CDC42BPG: variants seen among roughly 807,000 people sequenced by gnomAD.
CDC42BPG encodes the protein serine/threonine-protein kinase MRCK gamma.
In CDC42BPG, 157 loss-of-function variants were observed where a neutral mutation model predicts 192.2. The ratio of observed to expected loss-of-function variants is 0.82; its 90% CI spans 0.72 to 0.93. CDC42BPG has a LOEUF of 0.93. Ranked by LOEUF, CDC42BPG falls within the 40% of genes least tolerant of loss-of-function variation. The pLI is 0.00. For synonymous variants in CDC42BPG, 981 were observed against 918.5 expected (o/e 1.07, Z -1.23); for missense variants, 1,992 against 2,122.1 (o/e 0.94, Z 1.20).
In CDC42BPG at chr11:64,829,860, G is replaced by A. The variant is rs761337134; in HGVS notation, c.3578C>T (p.Pro1193Leu). The A allele has an allele frequency of 1.4e-5, 22 of 1,607,836 alleles. No individual in the cohort carries two copies. The Admixed American group carries it at 1.9e-4, about 14-fold the overall frequency. The stretch of plus-strand genomic sequence containing the variant: ...GCGCTTGACGGCTACACAGAGCACC[G>A]GGGTGCGGGCCTGCAGGATGCTTCC... ...AAGSILQART[P>L]VLCVAVKRQV... The change falls in exon 30 of 37, where the codon CCG becomes CTG. Residue 1193 changes from proline to leucine, a missense_variant. Around this residue, in one of 2 missense-constraint regions of CDC42BPG, gnomAD observed 1,656 missense variants for 1,844.3 expected, o/e 0.90. Coordinates refer to ENST00000342711, the MANE Select transcript of CDC42BPG (RefSeq NM_017525.3).
At chr11:64,836,714 G>GGGGGGT in intron 11 of CDC42BPG, 25 bp downstream of exon 11, 2 of 866,540 alleles carry the variant, frequency 2.3e-6, no homozygotes, top group Middle Eastern at 3.8e-4. Context: ...CCTGGGGGGG[G>GGGGGGT]GGGGGGGGTG....
chr11:64,826,067 G>GAAAA lies in CDC42BPG; in HGVS notation c.4599+399_4599+402dup, dbSNP rs10692629. ...GGGTGACAGAGTGAGACTCCATCTG[G>GAAAA]AAAAAAAAAAAAAAAAAAGAATCCC... On this transcript the variant is annotated intron_variant, in intron 36 of 36. Transcript: ENST00000342711. Among the ~76,000 whole-genome samples, 13 of 133,978 alleles carry GAAAA rather than the reference G, an allele frequency of 9.7e-5. 1 individual carries two copies. Among genetic ancestry groups the GAAAA allele is most frequent in the African/African-American group, 1.7e-4 (6 of 34,864 alleles). The allele number at this position is 133,978 out of a possible 152,430, so 87.9% of individuals were successfully genotyped here.
rs1410637516 is a variant in CDC42BPG at position 64,829,654 on chromosome 11, C to A, written c.3784G>T (p.Ala1262Ser). 6.2e-7 allele frequency: 1 copy of A among 1,611,338 alleles called. No homozygotes were observed. Among genetic ancestry groups the A allele is most frequent in the Non-Finnish European group, 8.5e-7 (1 of 1,179,330 alleles). ...GGCAGCTCCTCAGGCACCAAACCGG[C>A]CCCCAGCGCCAACGGCGCAGCCTCG... ...LNEAAPLALG[A>S]GLVPEELPPS... is the part of the protein sequence containing the mutation. The change falls in exon 30 of 37, where the codon GCC becomes TCC. Residue 1262 changes from alanine to serine, a missense_variant. Around this residue, in one of 2 missense-constraint regions of CDC42BPG, gnomAD observed 1,656 missense variants for 1,844.3 expected, o/e 0.90. Transcript: ENST00000342711.
Position 64,834,353 on chromosome 11 carries a change from G to T in CDC42BPG, c.2326C>A (p.Arg776Ser). ...VQEAQLQAER[R>S]LQEAEKQSQA... ...CTCTGCTTCTCGGCCTCCTGCAGACGGCTGGGGAGAATGGCAAGGGCTCGC... is the reference window on the plus strand; with the variant it reads ...CTCTGCTTCTCGGCCTCCTGCAGACTGCTGGGGAGAATGGCAAGGGCTCGC... Residue 776 changes from arginine to serine, a missense_variant and splice_region_variant, in exon 20 of 37, where the codon CGT becomes AGT. Physicochemically the swap from Arg to Ser is moderately radical, Grantham distance 110. Around this residue, in one of 2 missense-constraint regions of CDC42BPG, gnomAD observed 1,656 missense variants for 1,844.3 expected, o/e 0.90. Transcript: ENST00000342711. The T allele has an allele frequency of 6.4e-7, 1 of 1,568,716 alleles. No homozygotes were observed. Among genetic ancestry groups the T allele is most frequent in the Non-Finnish European group, 8.6e-7 (1 of 1,160,888 alleles).
In CDC42BPG at chr11:64,831,637, G is replaced by A; in HGVS notation, c.3172C>T (p.Leu1058=). The A allele has an allele frequency of 6.2e-7, 1 of 1,611,386 alleles. No homozygotes were observed. The highest frequency in any genetic ancestry group is 8.5e-7 in the Non-Finnish European group (1 of 1,179,818). Residue 1058 remains leucine, a synonymous_variant, in exon 28 of 37, where the codon CTG becomes TTG. Transcript: ENST00000342711. ...CGCTGCAGCTCACCCAGCACCTGCA[G>A]CCAGCGTTCCCGCTCCCCCTCGCTC... The part of the protein sequence containing the change: ...AESEGERERW[L]QVLGELQRLL...
chr11:64,835,780 C>G lies in CDC42BPG; in HGVS notation c.1740G>C (p.Glu580Asp). 6.2e-7 allele frequency: 1 copy of G among 1,613,518 alleles called. No individual in the cohort carries two copies. The highest frequency in any genetic ancestry group is 8.5e-7 in the Non-Finnish European group (1 of 1,179,946). Residue 580 changes from glutamate to aspartate, a missense_variant, in exon 14 of 37, where the codon GAG becomes GAC. Coordinates refer to ENST00000342711, the MANE Select transcript of CDC42BPG (RefSeq NM_017525.3). ...QLQGQWEQRL[E>D]ESSQAKTIHT... ...TGACTACCTTGGCCTGGGACGACTC[C>G]TCAAGGCGTTGCTCCCACTGTCCCT...
Position 64,841,829 on chromosome 11 carries a change from C to T in CDC42BPG, c.236G>A (p.Arg79Gln), listed in dbSNP as rs747987826. 14 of 1,614,036 alleles carry T rather than the reference C, an allele frequency of 8.7e-6. No homozygotes were observed. The highest frequency in any genetic ancestry group is 1.3e-5 in the African/African-American group (1 of 75,066). Residue 79 changes from arginine to glutamine, a missense_variant, in exon 2 of 37, where the codon CGA becomes CAA. Arg to Gln is a conservative substitution (Grantham distance 43). Transcript: ENST00000342711. ...TTTGCTCACCTCCCCAAAGGCTCCT[C>T]GGCCGATCACCTTCAAGATCTCAAA... ...DDFEILKVIG[R>Q]GAFGEVTVVR...
intron 1 of CDC42BPG, 122 bp from the exon 2 acceptor site, chr11:64,842,026 C>T: frequency 2.7e-6 from 2 of 737,800 alleles, no homozygotes; most frequent in Non-Finnish European, 4.6e-6. Context: ...TCCCCAGGGA[C>T]AGCCTCGGGC....
chr11:64,837,556 G>A (rs1943075899), intron 9 of CDC42BPG, among the ~76,000 whole-genome samples: 1 of 152,246 alleles, frequency 6.6e-6, no homozygotes, highest in Non-Finnish European at 1.5e-5. Flanking sequence ...CGCCTCCCGC[G>A]TTCAAGCGAT....
chr11:64,825,722 TC>T (rs1942388625), intron 36 of CDC42BPG, among the ~76,000 whole-genome samples: 1 of 151,910 alleles, frequency 6.6e-6, no homozygotes, highest in South Asian at 2.1e-4. Context: ...AATGGACTGC[TC>T]CCTCCTCTGA....
Position 64,836,318 on chromosome 11 carries a change from C to A in CDC42BPG, c.1489-22G>T, listed in dbSNP as rs1369346853. On this transcript the variant is annotated intron_variant, in intron 12 of 36. Coordinates refer to ENST00000342711, the MANE Select transcript of CDC42BPG (RefSeq NM_017525.3). Reference sequence around the variant, plus strand: ...GCTCCTGAGGAGGCAGGGGAGGGAGCGGGGAAGGACAAGGCCCAGAGTCAG... The same window carrying A: ...GCTCCTGAGGAGGCAGGGGAGGGAGAGGGGAAGGACAAGGCCCAGAGTCAG... 6 of 1,607,168 alleles carry A rather than the reference C, an allele frequency of 3.7e-6. No homozygotes were observed. The Admixed American group carries it at 1.0e-4, about 27-fold the overall frequency.
Position 64,827,772 on chromosome 11 carries a change from G to A in CDC42BPG, c.3979C>T (p.Pro1327Ser). The A allele has an allele frequency of 6.2e-7, 1 of 1,610,260 alleles. No homozygotes were observed. The highest frequency in any genetic ancestry group is 8.5e-7 in the Non-Finnish European group (1 of 1,177,956). ...AAPMGWGYAAPYLTVFSENSI... is the reference protein window; with the variant it reads ...AAPMGWGYAASYLTVFSENSI... Reference sequence around the variant, plus strand: ...TTCTCGCTGAACACTGTCAGGTAGGGGGCCGCATACCCTGCGGGCACGCCA... The same window carrying A: ...TTCTCGCTGAACACTGTCAGGTAGGAGGCCGCATACCCTGCGGGCACGCCA... The change falls in exon 31 of 37, where the codon CCC (proline) becomes TCC (serine). Residue 1327 changes from proline to serine, a missense_variant. By Grantham distance (74) the Pro-to-Ser change is moderately conservative (BLOSUM62 -1). This residue lies in a region of CDC42BPG where 1,656 missense variants were observed against 1,844.3 expected (regional missense o/e 0.90). Coordinates refer to ENST00000342711, the MANE Select transcript of CDC42BPG (RefSeq NM_017525.3).
Position 64,836,426 on chromosome 11 carries a change from C to G in CDC42BPG, c.1488+1G>C. On this transcript the variant is annotated splice_donor_variant, in intron 12 of 36. Coordinates refer to ENST00000342711, the MANE Select transcript of CDC42BPG (RefSeq NM_017525.3). LOFTEE classifies it high-confidence loss of function. ...CCTCACCCACCTCACCCAGCCCTCACCCGGTGAAGTCGGTCAAGCTCCTGC... is the reference window on the plus strand; with the variant it reads ...CCTCACCCACCTCACCCAGCCCTCAGCCGGTGAAGTCGGTCAAGCTCCTGC... 6.2e-7 allele frequency: 1 copy of G among 1,613,532 alleles called. No individual in the cohort carries two copies. The highest frequency in any genetic ancestry group is 8.5e-7 in the Non-Finnish European group (1 of 1,179,910).
chr11:64,830,305 C>T, intron 28 of CDC42BPG, 49 bp from the exon 29 acceptor site: 2 of 1,483,004 alleles, frequency 1.3e-6, no homozygotes, highest in South Asian at 2.4e-5. Context: ...CACTCAATGA[C>T]ACGGAGATTG....
chr11:64,834,118 G>T, intron 20 of CDC42BPG, 141 bp from the exon 21 acceptor site: 1 of 1,408,924 alleles, frequency 7.1e-7, no homozygotes, highest in Non-Finnish European at 1.0e-6. Flanking sequence ...CACTCCAGAA[G>T]TGCTGGTCAC....
rs1943014330 is a variant in CDC42BPG, at chr11:64,836,708, G to GT, written c.1384+30_1384+31insA. On this transcript the variant is annotated intron_variant, in intron 11 of 36. Transcript: ENST00000342711. ...CGAGCCCAGGTGGGACTCAGCCCTG[G>GT]GGGGGGGGGGGGGGTGGGCGGAAGG... 16 of 695,652 alleles carry GT rather than the reference G, an allele frequency of 2.3e-5. 3 individuals are homozygous for GT. The highest frequency in any genetic ancestry group is 4.8e-5 in the African/African-American group (2 of 41,906). The allele number at this position is 695,652 out of a possible 1,614,324, so 43.1% of individuals were successfully genotyped here.
rs1276694400 is a variant in CDC42BPG at position 64,838,889 on chromosome 11, A to C, written c.890T>G (p.Phe297Cys). 6.8e-7 allele frequency: 1 copy of C among 1,467,624 alleles called. No homozygotes were observed. Among genetic ancestry groups the C allele is most frequent in the Admixed American group, 1.7e-5 (1 of 58,364 alleles). The allele number at this position is 1,467,624 out of a possible 1,614,324, so 90.9% of individuals were successfully genotyped here. A position where few individuals can be genotyped will look rare whatever the true frequency, so the allele number is the denominator to read the frequency against. Residue 297 changes from phenylalanine (F) to cysteine (C), a missense_variant, in exon 8 of 37, where the codon TTC (phenylalanine) becomes TGC (cysteine). Coordinates refer to ENST00000342711, the MANE Select transcript of CDC42BPG (RefSeq NM_017525.3). ...TGGCACGTCAGGCACGTCCGGGGGG[A>C]ACTGCAGGTGGTCCTGTGGGTCGGG... is the stretch of plus-strand genomic sequence containing the variant. ...KIMNHEDHLQ[F>C]PPDVPDVPAS... is the part of the protein sequence containing the mutation.
Position 64,831,587 on chromosome 11 carries a change from T to C in CDC42BPG, c.3222A>G (p.Arg1074=), listed in dbSNP as rs776109135. The C allele has an allele frequency of 1.6e-5, 26 of 1,612,158 alleles. No individual in the cohort carries two copies. The highest frequency in any genetic ancestry group is 4.4e-5 in the South Asian group (4 of 91,054). The change falls in exon 28 of 37, where the codon AGA becomes AGG. Residue 1074 remains arginine (R), a synonymous_variant. Coordinates refer to ENST00000342711, the MANE Select transcript of CDC42BPG (RefSeq NM_017525.3). ...LQRLLLDARP[R]PRPVYTLKEA... Reference sequence around the variant, plus strand: ...CCTTGAGTGTGTACACGGGCCGGGGTCTTGGCCGCGCGTCCAGCAGCAGCC... The same window carrying C: ...CCTTGAGTGTGTACACGGGCCGGGGCCTTGGCCGCGCGTCCAGCAGCAGCC...
At chr11:64,831,318 T>A (rs1942675931) in intron 28 of CDC42BPG, among the ~76,000 whole-genome samples, 187 bp downstream of exon 28, 1 of 152,020 alleles carries the variant, frequency 6.6e-6, no homozygotes, top group Admixed American at 6.6e-5. Context: ...GGAGTGGGGA[T>A]AAGCCAGGCC....
Sources: gnomAD v4.1 joint callset for allele counts (sites outside exome capture counted in the v4.1 genomes callset) on GRCh38, gnomAD v4.1.1 for gene constraint, gnomAD v4.1.1 regional missense constraint, MANE v1.5 for transcripts, NCBI Gene and HGNC (gene_info 2026-07-23, HGNC 2026-07-21) for gene names.